Variants in CIB4 observed in about 807,000 individuals in gnomAD.
CIB4 encodes calcium and integrin-binding family member 4.
A neutral mutation model predicts 25.8 loss-of-function variants in CIB4; 25 were observed. That is an observed-to-expected ratio of 0.97 (90% CI 0.71 to 1.35). The LOEUF (loss-of-function observed/expected upper bound fraction) is 1.35, where lower values mean the gene tolerates loss of function less well. CIB4 is among the 40% of genes most tolerant of loss of function. The probability of loss-of-function intolerance (pLI) is 0.00; values close to 1 mark genes in which losing one functional copy is unlikely to be tolerated. For missense variants in CIB4, 235 were observed against 228.2 expected, an observed-to-expected ratio of 1.03 and a Z score of -0.19; for synonymous variants, 75 against 81.4, an observed-to-expected ratio of 0.92 and a Z score of 0.42.
intron 3 of CIB4, among the ~76,000 whole-genome samples, chr2:26,628,722 C>G (rs994417697): frequency 6.6e-6 from 1 of 152,190 alleles, no homozygotes; most frequent in African/African-American, 2.4e-5. Context: ...CTCTGGGCCC[C>G]GAGCCCTGCT....
chr2:26,581,253 G>T lies in CIB4; in HGVS notation c.*110C>A. Reference sequence around the variant, plus strand: ...CTAATAAACAATATTCTAGAGGTGAGTGTGGGCCCAGTACAAAGTCATACT... The same window carrying T: ...CTAATAAACAATATTCTAGAGGTGATTGTGGGCCCAGTACAAAGTCATACT... On this transcript the variant is annotated 3_prime_UTR_variant, in exon 7 of 7. Transcript: ENST00000288861. The T allele has an allele frequency of 1.2e-6, 1 of 843,406 alleles. No homozygotes were observed. 52.2% of individuals were successfully genotyped at this position (843,406 alleles called of 1,614,324 possible). A position where few individuals can be genotyped will look rare whatever the true frequency, so the allele number is the denominator to read the frequency against.
chr2:26,625,544 G>C (rs530892016), intron 3 of CIB4, among the ~76,000 whole-genome samples: 8 of 152,066 alleles, frequency 5.3e-5, no homozygotes, highest in Non-Finnish European at 1.0e-4. Context: ...TAGAGACGGG[G>C]TTTTTCCATG....
intron 2 of CIB4, among the ~76,000 whole-genome samples, chr2:26,634,743 G>C (rs930183383): frequency 1.3e-5 from 2 of 152,212 alleles, no homozygotes; most frequent in South Asian, 4.1e-4. Flanking sequence ...CCAGGACAGG[G>C]CCATGGAGTC....
At chr2:26,584,838 C>A (rs962820078) in intron 4 of CIB4, among the ~76,000 whole-genome samples, 2 of 152,092 alleles carry the variant, frequency 1.3e-5, no homozygotes, top group African/African-American at 2.4e-5. Context: ...GGGGCAGCAC[C>A]GGGACTTCCC....
At chr2:26,626,533 C>CT (rs148265215) in intron 3 of CIB4, among the ~76,000 whole-genome samples, 2,961 of 151,956 alleles carry the variant, frequency 0.019, 102 homozygotes, top group African/African-American at 0.067. Flanking sequence ...TCATTTTAAT[C>CT]TTTTTTTTGT....
intron 3 of CIB4, among the ~76,000 whole-genome samples, chr2:26,626,217 C>T (rs1360465523): frequency 6.6e-6 from 1 of 152,106 alleles, no homozygotes; most frequent in Non-Finnish European, 1.5e-5. Flanking sequence ...TGTCACTTGC[C>T]GAAGATCATG....
At chr2:26,604,942 C>T (rs1483808063) in intron 3 of CIB4, among the ~76,000 whole-genome samples, 2 of 152,154 alleles carry the variant, frequency 1.3e-5, no homozygotes, top group African/African-American at 4.8e-5. Context: ...TGATATTTTA[C>T]AGAACACGCC....
chr2:26,598,623 G>C (rs182640903), intron 3 of CIB4, among the ~76,000 whole-genome samples: 2 of 152,202 alleles, frequency 1.3e-5, no homozygotes, highest in Admixed American at 1.3e-4. Context: ...GGGTCCTGGG[G>C]ACCCAGGAGT....
intron 2 of CIB4, among the ~76,000 whole-genome samples, chr2:26,633,616 G>A (rs545649699): frequency 3.3e-5 from 5 of 152,156 alleles, no homozygotes; most frequent in South Asian, 2.1e-4. Context: ...GCTGCATCTC[G>A]GCTGCCATAA....
At chr2:26,635,311 A>G (rs1484602506) in intron 2 of CIB4, among the ~76,000 whole-genome samples, 4 of 152,174 alleles carry the variant, frequency 2.6e-5, no homozygotes, top group Admixed American at 2.0e-4. Context: ...TCCCCCCACC[A>G]GCCCCCAGGA....
chr2:26,622,343 A>G (rs1176161649), intron 3 of CIB4, among the ~76,000 whole-genome samples: 1 of 152,182 alleles, frequency 6.6e-6, no homozygotes, highest in Non-Finnish European at 1.5e-5. Context: ...CCTGGGCGAC[A>G]AAGCAAGACT....
intron 3 of CIB4, chr2:26,623,680 G>T: frequency 2.5e-6 from 1 of 393,640 alleles, no homozygotes; most frequent in Non-Finnish European, 5.4e-6. Flanking sequence ...GCAGGGGCGG[G>T]TCTATGCGAA....
intron 2 of CIB4, among the ~76,000 whole-genome samples, chr2:26,631,432 C>T (rs550448749): frequency 5.8e-4 from 88 of 152,312 alleles, no homozygotes; most frequent in Non-Finnish European, 6.5e-4. Context: ...TGTGATCGCA[C>T]TACTGCACTC....
Position 26,641,352 on chromosome 2 carries a change from C to G in CIB4, c.-38G>C, listed in dbSNP as rs767930760. On this transcript the variant is annotated 5_prime_UTR_variant, in exon 1 of 7. Transcript: ENST00000288861. ...TTTCTGTCTGCCAGCAGTAGAACCTCAGCCTCAAGGACTCGCCAGCTGAGG... is the reference window on the plus strand; with the variant it reads ...TTTCTGTCTGCCAGCAGTAGAACCTGAGCCTCAAGGACTCGCCAGCTGAGG... 1 of 1,588,700 alleles carries G rather than the reference C, an allele frequency of 6.3e-7. No individual in the cohort carries two copies. The highest frequency in any genetic ancestry group is 8.6e-7 in the Non-Finnish European group (1 of 1,156,794).
At chr2:26,632,735 G>A (rs1225208266) in intron 2 of CIB4, among the ~76,000 whole-genome samples, 2 of 150,460 alleles carry the variant, frequency 1.3e-5, no homozygotes, top group Non-Finnish European at 1.5e-5. Context: ...GCCAGCTTGG[G>A]CGACAGAGTG....
chr2:26,611,930 G>A lies in CIB4; in HGVS notation c.187-16613C>T, dbSNP rs185347142. Among the ~76,000 whole-genome samples the A allele has an allele frequency of 3.4e-3, 518 of 152,172 alleles. 5 individuals carry two copies. The highest frequency in any genetic ancestry group is 0.012 in the African/African-American group (496 of 41,504). The stretch of plus-strand genomic sequence containing the variant: ...ATAAAGCTTGCCTAGGGGAAAAGAC[G>A]GCAAAAGAAAATAGAAAATGAAAAT... On this transcript the variant is annotated intron_variant, in intron 3 of 6. Coordinates refer to ENST00000288861, the MANE Select transcript of CIB4 (RefSeq NM_001029881.3).
At chr2:26,625,318 C>A (rs1447735570) in intron 3 of CIB4, among the ~76,000 whole-genome samples, 2 of 151,500 alleles carry the variant, frequency 1.3e-5, no homozygotes, top group Non-Finnish European at 2.9e-5. Flanking sequence ...TGTCTGGGAC[C>A]ACCTAGAGCG....
At position 26,640,696 on chromosome 2, in the gene CIB4, G is replaced by C. The variant is rs1026282679; in HGVS notation, c.55-129C>G. 3.4e-4 allele frequency: 321 copies of C among 944,370 alleles called. 4 individuals carry two copies. Among genetic ancestry groups the C allele is most frequent in the Admixed American group, 3.3e-4 (15 of 45,442 alleles). 58.5% of individuals were successfully genotyped at this position (944,370 alleles called of 1,614,324 possible). A position where few individuals can be genotyped will look rare whatever the true frequency, so the allele number is the denominator to read the frequency against. The stretch of plus-strand genomic sequence containing the variant: ...TTGCTGCACAGCTGGGGGAACCCCA[G>C]GTTGAGGTGGATGCCTGAGGTGGCA... On this transcript the variant is annotated intron_variant, in intron 1 of 6. Transcript: ENST00000288861.
intron 3 of CIB4, among the ~76,000 whole-genome samples, chr2:26,608,740 AAC>A (rs941581829): frequency 1.3e-5 from 2 of 152,140 alleles, no homozygotes; most frequent in African/African-American, 4.8e-5. Flanking sequence ...CCAACCTGGA[AAC>A]AGTGGTTTGG....
Sources: allele counts gnomAD v4.1 joint callset (sites outside exome capture counted in the v4.1 genomes callset), GRCh38; gene constraint gnomAD v4.1.1; transcripts MANE v1.5; gene names NCBI Gene and HGNC (gene_info 2026-07-23, HGNC 2026-07-21).